Variants in MYCT1 observed in about 807,000 individuals in gnomAD.
MYCT1 encodes the protein MYC target 1.
MYCT1 carries 12 observed loss-of-function variants against 15.0 expected under a neutral mutation model. The observed-to-expected ratio is 0.80, with a 90% CI of 0.51 to 1.29. The LOEUF is 1.29. MYCT1 is among the 50% of genes most tolerant of loss of function. The pLI is 0.00. For missense variants in MYCT1, 287 were observed against 279.1 expected (o/e 1.03, Z -0.20); for synonymous variants, 104 against 102.7 (o/e 1.01, Z -0.07).
chr6:152,700,836 C>A (rs551353135), intron 1 of MYCT1, among the ~76,000 whole-genome samples: 52 of 152,142 alleles, frequency 3.4e-4, no homozygotes, highest in Admixed American at 1.4e-3. Flanking sequence ...TTCCTTATGG[C>A]TAGCTTTGTG....
At chr6:152,733,063 G>GTTTTTTA in the MYCT1 span, among the ~76,000 whole-genome samples, 3 of 151,744 alleles carry the variant, frequency 2.0e-5, no homozygotes, top group African/African-American at 7.3e-5. Context: ...GTTTTTATTT[G>GTTTTTTA]TTTTTTATTT....
At chr6:152,725,653 G>T (rs1289038035), downstream of MYCT1, among the ~76,000 whole-genome samples, 2 of 152,156 alleles carry the variant, frequency 1.3e-5, no homozygotes, top group Non-Finnish European at 2.9e-5. Flanking sequence ...AGAAGGGAGT[G>T]CTCCTACATA....
chr6:152,745,452 G>A, the MYCT1 span, among the ~76,000 whole-genome samples: 3 of 152,270 alleles, frequency 2.0e-5, no homozygotes, highest in South Asian at 6.2e-4. Flanking sequence ...TACAGAGACA[G>A]ACTCCAAGTC....
chr6:152,745,459 A>G, the MYCT1 span, among the ~76,000 whole-genome samples: 13 of 152,118 alleles, frequency 8.5e-5, no homozygotes, highest in Admixed American at 2.6e-4. Context: ...ACAGACTCCA[A>G]GTCTAGGGGA....
At chr6:152,736,478 G>A in the MYCT1 span, among the ~76,000 whole-genome samples, 1 of 152,116 alleles carries the variant, frequency 6.6e-6, no homozygotes, top group Non-Finnish European at 1.5e-5. Context: ...AGTATCTGGA[G>A]AAAACTTCCT....
chr6:152,742,995 T>C, the MYCT1 span, among the ~76,000 whole-genome samples: 1 of 152,096 alleles, frequency 6.6e-6, no homozygotes, highest in Non-Finnish European at 1.5e-5. Context: ...CTCAGCACTG[T>C]TTTGACAGAA....
At chr6:152,700,167 A>G (rs766624164) in intron 1 of MYCT1, among the ~76,000 whole-genome samples, 2 of 152,178 alleles carry the variant, frequency 1.3e-5, no homozygotes, top group African/African-American at 2.4e-5. Flanking sequence ...ATAAATGTCA[A>G]TCTTTTAAAT....
At chr6:152,743,616 C>T in the MYCT1 span, among the ~76,000 whole-genome samples, 1 of 152,172 alleles carries the variant, frequency 6.6e-6, no homozygotes, top group African/African-American at 2.4e-5. Flanking sequence ...GCCCCACTCC[C>T]CACTCTCCAT....
At chr6:152,701,039 A>G (rs2099721223) in intron 1 of MYCT1, among the ~76,000 whole-genome samples, 1 of 152,208 alleles carries the variant, frequency 6.6e-6, no homozygotes, top group Non-Finnish European at 1.5e-5. Context: ...TAAAATAGCA[A>G]TGGTTGATAA....
At chr6:152,726,256 C>T (rs1434577648), downstream of MYCT1, among the ~76,000 whole-genome samples, 4 of 151,876 alleles carry the variant, frequency 2.6e-5, no homozygotes, top group African/African-American at 9.7e-5. Flanking sequence ...ATTAGCCAGG[C>T]CGTGGTGGCA....
chr6:152,702,350 A>G (rs2099721461), intron 1 of MYCT1, among the ~76,000 whole-genome samples: 1 of 152,188 alleles, frequency 6.6e-6, no homozygotes. Context: ...ATATCCAACT[A>G]TTGCAGTAAA....
intron 1 of MYCT1, among the ~76,000 whole-genome samples, chr6:152,716,323 T>C (rs1291995004): frequency 6.6e-6 from 1 of 152,220 alleles, no homozygotes; most frequent in Admixed American, 6.5e-5. Context: ...AAAGTAGTTC[T>C]ATTGCCTGAA....
the MYCT1 span, among the ~76,000 whole-genome samples, chr6:152,730,345 G>A: frequency 1.3e-5 from 2 of 152,272 alleles, no homozygotes; most frequent in African/African-American, 2.4e-5. Flanking sequence ...CAACAACTTG[G>A]CCATTGTCGA....
downstream of MYCT1, among the ~76,000 whole-genome samples, chr6:152,727,226 A>AAAAAAAAAT (rs1555097130): frequency 6.7e-6 from 1 of 148,606 alleles, no homozygotes; most frequent in Non-Finnish European, 1.5e-5. Flanking sequence ...AAAAAAAAAA[A>AAAAAAAAAT]TATGGAAAGA....
rs1461385507 is a variant in MYCT1, at chr6:152,723,396, T to A, written c.*1143T>A. 1 of 152,240 alleles carries A rather than the reference T, an allele frequency of 6.6e-6. No individual in the cohort carries two copies. The highest frequency in any genetic ancestry group is 1.5e-5 in the Non-Finnish European group (1 of 68,040). The allele number at this position is 152,240 out of a possible 1,614,324, so 9.4% of individuals were successfully genotyped here. A position where few individuals can be genotyped will look rare whatever the true frequency, so the allele number is the denominator to read the frequency against. On this transcript the variant is annotated 3_prime_UTR_variant, in exon 2 of 2. Coordinates refer to ENST00000367245, the MANE Select transcript of MYCT1 (RefSeq NM_025107.3). ...GTTTTTCTTAAGGGAAAAATTTTCT[T>A]TCTTAAACTTACATCTAGCAACTTG... is the stretch of plus-strand genomic sequence containing the variant.
the MYCT1 span, among the ~76,000 whole-genome samples, chr6:152,731,301 AT>A: frequency 6.6e-6 from 1 of 152,212 alleles, no homozygotes; most frequent in African/African-American, 2.4e-5. Context: ...GTTTAATTAA[AT>A]TTTTATTTAT....
intron 1 of MYCT1, among the ~76,000 whole-genome samples, chr6:152,714,040 T>C (rs906204627): frequency 6.6e-6 from 1 of 152,072 alleles, no homozygotes; most frequent in Non-Finnish European, 1.5e-5. Flanking sequence ...TCATTATTAC[T>C]TGAAAGGGTC....
chr6:152,745,862 C>A, the MYCT1 span, among the ~76,000 whole-genome samples: 1 of 152,130 alleles, frequency 6.6e-6, no homozygotes, highest in Non-Finnish European at 1.5e-5. Flanking sequence ...GTTTGTCTCC[C>A]GTACCATTAT....
intron 1 of MYCT1, among the ~76,000 whole-genome samples, chr6:152,708,084 G>T (rs1363923491): frequency 6.6e-6 from 1 of 151,496 alleles, no homozygotes. Flanking sequence ...AAGGGCAGTT[G>T]GCATCTTAAT....
Sources: gnomAD v4.1 joint callset for allele counts (sites outside exome capture counted in the v4.1 genomes callset) on GRCh38, gnomAD v4.1.1 for gene constraint, MANE v1.5 for transcripts, NCBI Gene and HGNC (gene_info 2026-07-23, HGNC 2026-07-21) for gene names.